Variants in ADAMTS17 observed in about 807,000 individuals in gnomAD.
ADAMTS17 encodes ADAM metallopeptidase with thrombospondin type 1 motif 17, also known as A disintegrin and metalloproteinase with thrombospondin motifs 17.
In ADAMTS17, 113 loss-of-function variants were observed where a neutral mutation model predicts 141.5. The observed-to-expected ratio is 0.80, with a 90% confidence interval of 0.69 to 0.93. ADAMTS17 has a LOEUF of 0.93. Among genes scored for constraint, ADAMTS17 ranks in the 40% least tolerant of loss-of-function variants. ADAMTS17 has a pLI of 0.00. For synonymous variants in ADAMTS17, 768 were observed against 630.6 expected (o/e 1.22, Z -3.27); for missense variants, 1,659 against 1,517.9 (o/e 1.09, Z -1.54).
intron 10 of ADAMTS17, among the ~76,000 whole-genome samples, chr15:100,134,467 T>G (rs1023722495): frequency 6.6e-6 from 1 of 152,126 alleles, no homozygotes; most frequent in African/African-American, 2.4e-5. Flanking sequence ...CAGGAAGACA[T>G]CACCCTCCAG....
chr15:100,310,055 G>T (rs1160118525), intron 3 of ADAMTS17, among the ~76,000 whole-genome samples: 2 of 152,212 alleles, frequency 1.3e-5, no homozygotes, highest in Non-Finnish European at 2.9e-5. Context: ...TCGAGGCTGG[G>T]AAATGCATAT....
At chr15:100,211,213 T>A (rs997809923) in intron 7 of ADAMTS17, among the ~76,000 whole-genome samples, 7 of 149,376 alleles carry the variant, frequency 4.7e-5, no homozygotes, top group Admixed American at 1.3e-4. Flanking sequence ...GAAGAAACGG[T>A]TGCACCTGGG....
chr15:100,181,790 G>A (rs1394803969), intron 8 of ADAMTS17, among the ~76,000 whole-genome samples: 1 of 152,166 alleles, frequency 6.6e-6, no homozygotes, highest in Non-Finnish European at 1.5e-5. Flanking sequence ...GTTGGGAGAG[G>A]GGTGGCACAA....
chr15:100,088,243 C>T (rs954189787), intron 15 of ADAMTS17, among the ~76,000 whole-genome samples: 10 of 152,142 alleles, frequency 6.6e-5, no homozygotes, highest in Admixed American at 2.6e-4. Context: ...TTCACAATTG[C>T]TTCAAAGAGA....
intron 18 of ADAMTS17, among the ~76,000 whole-genome samples, chr15:100,001,943 T>C (rs1166381738): frequency 1.7e-5 from 2 of 120,428 alleles, no homozygotes; most frequent in East Asian, 5.0e-4. Flanking sequence ...CACTCCAGCC[T>C]GCCAGCCTTG....
At chr15:99,976,268 G>A (rs2060326807) in intron 20 of ADAMTS17, 46 bp from the exon 21 acceptor site, 2 of 1,533,072 alleles carry the variant, frequency 1.3e-6, no homozygotes, top group East Asian at 2.4e-5. Flanking sequence ...GAGGTCAAGG[G>A]ACTGGGATGA....
chr15:100,152,771 G>T lies in ADAMTS17; in HGVS notation c.1323-9C>A. 6.2e-7 allele frequency: 1 copy of T among 1,614,180 alleles called. No individual in the cohort carries two copies. The highest frequency in any genetic ancestry group is 1.3e-5 in the African/African-American group (1 of 75,054). On this transcript the variant is annotated splice_polypyrimidine_tract_variant and intron_variant, in intron 9 of 21. Transcript: ENST00000268070. ...AGGTGCTGACTTTTGACCTGAAACAGCCGAGAGGCAAGTTGACTTGCAAAT... is the reference window on the plus strand; with the variant it reads ...AGGTGCTGACTTTTGACCTGAAACATCCGAGAGGCAAGTTGACTTGCAAAT...
rs1356028652 is a variant in ADAMTS17, at chr15:100,340,249, A to G, written c.450+790T>C. ...ATCAAGTGTGCGCGCAGGCAGGGCAAGTGCACACAAGAACCCCCCCTCCCC... is the reference window on the plus strand; with the variant it reads ...ATCAAGTGTGCGCGCAGGCAGGGCAGGTGCACACAAGAACCCCCCCTCCCC... On this transcript the variant is annotated intron_variant, in intron 2 of 21. Transcript: ENST00000268070. 2.0e-5 allele frequency among the ~76,000 whole-genome samples: 3 copies of G among 152,194 alleles called. No homozygotes were observed. The East Asian group carries it at 5.8e-4, about 29-fold the overall frequency.
intron 7 of ADAMTS17, among the ~76,000 whole-genome samples, chr15:100,233,441 G>C (rs1327280582): frequency 6.6e-6 from 1 of 151,854 alleles, no homozygotes. Context: ...CTAGCACTGT[G>C]TCCTGAGTCC....
intron 15 of ADAMTS17, among the ~76,000 whole-genome samples, chr15:100,065,344 T>C (rs1328817962): frequency 2.0e-5 from 3 of 152,186 alleles, no homozygotes; most frequent in Admixed American, 6.5e-5. Context: ...AGGTACAAAA[T>C]TCAAAAATTA....
intron 8 of ADAMTS17, among the ~76,000 whole-genome samples, chr15:100,171,030 G>A (rs1433752181): frequency 6.6e-6 from 1 of 152,142 alleles, no homozygotes; most frequent in African/African-American, 2.4e-5. Context: ...CTTAGGGGCA[G>A]CCTCTGTCAC....
intron 13 of ADAMTS17, among the ~76,000 whole-genome samples, chr15:100,113,308 T>C (rs2036908992): frequency 6.6e-6 from 1 of 152,204 alleles, no homozygotes; most frequent in Non-Finnish European, 1.5e-5. Context: ...CTGAAAACTC[T>C]AAGTGTTCTC....
intron 3 of ADAMTS17, among the ~76,000 whole-genome samples, chr15:100,283,338 A>T (rs1015500628): frequency 6.6e-6 from 1 of 152,196 alleles, no homozygotes; most frequent in Non-Finnish European, 1.5e-5. Context: ...AGAAGGAAAG[A>T]GGCCGCTGGT....
intron 8 of ADAMTS17, among the ~76,000 whole-genome samples, chr15:100,177,405 T>G (rs1297282853): frequency 5.9e-5 from 9 of 152,242 alleles, no homozygotes; most frequent in Non-Finnish European, 2.9e-5. Context: ...TCTCTTATGG[T>G]TTATCCAGAA....
rs112392739 is a variant in ADAMTS17 at position 100,097,649 on chromosome 15, A to C, written c.2017-1173T>G. Among the ~76,000 whole-genome samples the C allele has an allele frequency of 3.4e-3, 521 of 152,326 alleles. 2 individuals are homozygous for C. Among genetic ancestry groups the C allele is most frequent in the African/African-American group, 0.012 (503 of 41,576 alleles). On this transcript the variant is annotated intron_variant, in intron 14 of 21. Transcript: ENST00000268070. ...TCCAACTTAAGTGTGCATCGGCCTC[A>C]TGGGGAGGGCTGTTAAAACACAAAC...
intron 18 of ADAMTS17, among the ~76,000 whole-genome samples, chr15:100,013,980 T>C (rs1306717183): frequency 1.3e-5 from 2 of 152,228 alleles, no homozygotes; most frequent in Admixed American, 6.5e-5. Flanking sequence ...TCTTTGAATG[T>C]CTGGTAGAAT....
At chr15:100,263,520 C>G (rs967794485) in intron 4 of ADAMTS17, among the ~76,000 whole-genome samples, 3 of 152,112 alleles carry the variant, frequency 2.0e-5, no homozygotes, top group Non-Finnish European at 4.4e-5. Context: ...ATCAAGCAGT[C>G]ACAGCAAAGT....
intron 3 of ADAMTS17, among the ~76,000 whole-genome samples, chr15:100,297,016 T>C (rs1451579314): frequency 6.6e-6 from 1 of 151,646 alleles, no homozygotes; most frequent in Non-Finnish European, 1.5e-5. Context: ...TATGAGAAAA[T>C]ATAAGGAGGG....
At chr15:100,260,430 GT>G (rs1298796083) in intron 6 of ADAMTS17, among the ~76,000 whole-genome samples, 1 of 151,874 alleles carries the variant, frequency 6.6e-6, no homozygotes, top group African/African-American at 2.4e-5. Flanking sequence ...CCTGGCCAAT[GT>G]GGTGAAACCC....
Sources: gnomAD v4.1 joint callset for allele counts (sites outside exome capture counted in the v4.1 genomes callset) on GRCh38, gnomAD v4.1.1 for gene constraint, MANE v1.5 for transcripts, NCBI Gene and HGNC (gene_info 2026-07-23, HGNC 2026-07-21) for gene names.